The following PIEZO2 variants were observed in gnomAD, a reference collection of about 807,000 sequenced individuals.
The protein encoded by PIEZO2 is piezo type mechanosensitive ion channel component 2.
In PIEZO2, 172 loss-of-function variants were observed where a neutral mutation model predicts 337.3. The ratio of observed to expected loss-of-function variants is 0.51; its 90% CI spans 0.45 to 0.58. The LOEUF (loss-of-function observed/expected upper bound fraction) is 0.58. Ranked by LOEUF, PIEZO2 falls within the 20% of genes least tolerant of loss-of-function variation. PIEZO2 has a pLI of 0.00. For synonymous variants in PIEZO2, 1,251 were observed against 1,228.5 expected (o/e 1.02, Z -0.38); for missense variants, 3,028 against 3,391.3 (o/e 0.89, Z 2.66).
chr18:11,148,391 A>G lies in PIEZO2; in HGVS notation c.64+134T>C. 9.2e-6 allele frequency: 9 copies of G among 980,740 alleles called. No individual in the cohort carries two copies. The highest frequency in any genetic ancestry group is 1.4e-5 in the Non-Finnish European group (9 of 658,852). The allele number at this position is 980,740 out of a possible 1,614,324, so 60.8% of individuals were successfully genotyped here. ...GAGAGCCAGGCTGTGCACCAGGGAC[A>G]GCGCGCGTCTGACGCCGCTGGCCTC... On this transcript the variant is annotated intron_variant, in intron 1 of 55. Transcript: ENST00000674853. This position sits in a 1 kb window ranked among gnomAD's most constrained non-coding sequence, Gnocchi z 5.2.
chr18:10,898,683 T>G (rs1417260070), intron 4 of PIEZO2, among the ~76,000 whole-genome samples: 1 of 152,042 alleles, frequency 6.6e-6, no homozygotes, highest in Non-Finnish European at 1.5e-5. Context: ...GGAATGAGGC[T>G]TAAGATCAGG....
intron 36 of PIEZO2, among the ~76,000 whole-genome samples, chr18:10,729,713 A>T (rs1021478036): frequency 1.3e-5 from 2 of 152,182 alleles, no homozygotes; most frequent in African/African-American, 2.4e-5. Flanking sequence ...TCAAGAAGTA[A>T]CGACTGTTAC....
At chr18:10,742,685 C>G in intron 31 of PIEZO2, 70 bp from the exon 32 acceptor site, 6 of 1,490,478 alleles carry the variant, frequency 4.0e-6, no homozygotes, top group Non-Finnish European at 5.4e-6. Context: ...GTACTTTGGA[C>G]TTATGCTGTT....
intron 47 of PIEZO2, among the ~76,000 whole-genome samples, chr18:10,692,654 T>A (rs2034900874): frequency 6.6e-6 from 1 of 152,210 alleles, no homozygotes; most frequent in Admixed American, 6.5e-5. Context: ...CTTTGCACCT[T>A]CCCTACATCA....
intron 3 of PIEZO2, among the ~76,000 whole-genome samples, chr18:10,930,247 T>C (rs1251408546): frequency 2.0e-5 from 3 of 152,188 alleles, no homozygotes; most frequent in African/African-American, 7.2e-5. Context: ...TAAGATCCCA[T>C]AAAAGACATT....
intron 52 of PIEZO2, among the ~76,000 whole-genome samples, chr18:10,679,914 C>T (rs1341548876): frequency 6.6e-6 from 1 of 152,056 alleles, no homozygotes; most frequent in African/African-American, 2.4e-5. Context: ...AAAACAGCAA[C>T]AACAACAAAA....
intron 4 of PIEZO2, among the ~76,000 whole-genome samples, chr18:10,875,994 T>C (rs751488895): frequency 1.3e-5 from 2 of 152,222 alleles, no homozygotes; most frequent in African/African-American, 2.4e-5. Flanking sequence ...CTACTACTCT[T>C]GGCTTGCTGA....
intron 2 of PIEZO2, among the ~76,000 whole-genome samples, chr18:11,017,148 T>C (rs1267676165): frequency 6.6e-6 from 1 of 152,238 alleles, no homozygotes; most frequent in East Asian, 1.9e-4. Context: ...GACACGTTAA[T>C]GAAGTCACAA....
chr18:10,975,583 A>G (rs866683465), intron 3 of PIEZO2, among the ~76,000 whole-genome samples: 3 of 152,270 alleles, frequency 2.0e-5, no homozygotes, highest in Middle Eastern at 3.4e-3. Flanking sequence ...TGGTTTGAAA[A>G]AATCTTTATT....
At position 11,148,712 on chromosome 18, in the gene PIEZO2, G is replaced by T; in HGVS notation, c.-124C>A. 1 of 1,049,558 alleles carries T rather than the reference G, an allele frequency of 9.5e-7. No individual in the cohort carries two copies. The highest frequency in any genetic ancestry group is 1.4e-6 in the Non-Finnish European group (1 of 726,932). 65.0% of individuals were successfully genotyped at this position (1,049,558 alleles called of 1,614,324 possible). A position where few individuals can be genotyped will look rare whatever the true frequency, so the allele number is the denominator to read the frequency against. The stretch of plus-strand genomic sequence containing the variant: ...GGCAGCTCGCAGCCACCCGAGCATC[G>T]CCTCGGCGCGGGCCGCGACGCTCTC... On this transcript the variant is annotated 5_prime_UTR_variant, in exon 1 of 56. Transcript: ENST00000674853. This position sits in a 1 kb window ranked among gnomAD's most constrained non-coding sequence, Gnocchi z 5.2.
intron 2 of PIEZO2, among the ~76,000 whole-genome samples, chr18:11,007,263 A>G (rs1355948829): frequency 6.6e-6 from 1 of 152,228 alleles, no homozygotes; most frequent in African/African-American, 2.4e-5. Context: ...ACTTAAGGAA[A>G]GTTAATAAAT....
At chr18:10,866,028 G>A (rs1203238050) in intron 5 of PIEZO2, among the ~76,000 whole-genome samples, 1 of 152,172 alleles carries the variant, frequency 6.6e-6, no homozygotes, top group East Asian at 1.9e-4. Flanking sequence ...ATAGTTAAAG[G>A]TGAAAGGCGT....
Position 10,783,813 on chromosome 18 carries a change from T to G in PIEZO2, c.2492+971A>C, listed in dbSNP as rs1324482415. Reference sequence around the variant, plus strand: ...AACAAGGATTATAAAATGTTTCTCATCATTAAATAAATGTTTTGGGTCTAT... The same window carrying G: ...AACAAGGATTATAAAATGTTTCTCAGCATTAAATAAATGTTTTGGGTCTAT... On this transcript the variant is annotated intron_variant, in intron 17 of 55. Transcript: ENST00000674853. The surrounding 1 kb of genome is among the most constrained non-coding windows in gnomAD (Gnocchi z 4.3). 6.6e-6 allele frequency among the ~76,000 whole-genome samples: 1 copy of G among 152,220 alleles called. No homozygotes were observed. The highest frequency in any genetic ancestry group is 2.4e-5 in the African/African-American group (1 of 41,450).
intron 1 of PIEZO2, among the ~76,000 whole-genome samples, chr18:11,095,701 T>A (rs1210512395): frequency 6.6e-6 from 1 of 152,200 alleles, no homozygotes; most frequent in Non-Finnish European, 1.5e-5. Context: ...TAAAAGTTAA[T>A]AACCTCAACA....
chr18:10,910,357 C>T (rs1418144987), intron 4 of PIEZO2, among the ~76,000 whole-genome samples: 9 of 152,104 alleles, frequency 5.9e-5, no homozygotes, highest in Non-Finnish European at 8.8e-5. Flanking sequence ...CCGAGCTGGG[C>T]GGATCACCTG....
chr18:10,865,844 A>T (rs929642578), intron 5 of PIEZO2, among the ~76,000 whole-genome samples: 1 of 152,160 alleles, frequency 6.6e-6, no homozygotes, highest in Non-Finnish European at 1.5e-5. Flanking sequence ...CTTTCATCTC[A>T]GGCTCTACTC....
chr18:11,031,940 C>T lies in PIEZO2; in HGVS notation c.160+34187G>A, dbSNP rs925169076. Among the ~76,000 whole-genome samples, 1 of 152,160 alleles carries T rather than the reference C, an allele frequency of 6.6e-6. No individual in the cohort carries two copies. The highest frequency in any genetic ancestry group is 2.4e-5 in the African/African-American group (1 of 41,422). On this transcript the variant is annotated intron_variant, in intron 2 of 55. Coordinates refer to ENST00000674853, the MANE Select transcript of PIEZO2 (RefSeq NM_001378183.1). This position sits in a 1 kb window ranked among gnomAD's most constrained non-coding sequence, Gnocchi z 4.7. Reference sequence around the variant, plus strand: ...CACATTTCCAAGATACGAGACAAAACTCGTTCTCTCTCTGTCTTTCTCTGT... The same window carrying T: ...CACATTTCCAAGATACGAGACAAAATTCGTTCTCTCTCTGTCTTTCTCTGT...
At chr18:11,053,939 G>A (rs1418270070) in intron 2 of PIEZO2, among the ~76,000 whole-genome samples, 2 of 152,066 alleles carry the variant, frequency 1.3e-5, no homozygotes, top group East Asian at 1.9e-4. Flanking sequence ...TGGGAGAATC[G>A]CTTGCACCTG....
At position 10,671,438 on chromosome 18, in the gene PIEZO2, G is replaced by T. The variant is rs576946483; in HGVS notation, c.*89C>A. 13 of 1,352,454 alleles carry T rather than the reference G, an allele frequency of 9.6e-6. No individual in the cohort carries two copies. In the Admixed American group the frequency reaches 1.3e-4, roughly 14 times the overall value. 83.8% of individuals were successfully genotyped at this position (1,352,454 alleles called of 1,614,324 possible). Reference sequence around the variant, plus strand: ...AGAAGAGAAACAAACCATTTCCGTCGAACTAGAAATGCTTAGCTCTTATGA... The same window carrying T: ...AGAAGAGAAACAAACCATTTCCGTCTAACTAGAAATGCTTAGCTCTTATGA... On this transcript the variant is annotated 3_prime_UTR_variant, in exon 56 of 56. Coordinates refer to ENST00000674853, the MANE Select transcript of PIEZO2 (RefSeq NM_001378183.1).
Sources: gnomAD v4.1 joint callset for allele counts (sites outside exome capture counted in the v4.1 genomes callset) on GRCh38, gnomAD v4.1.1 for gene constraint, Gnocchi (gnomAD v3.1) non-coding constraint, MANE v1.5 for transcripts, NCBI Gene and HGNC (gene_info 2026-07-23, HGNC 2026-07-21) for gene names.